The following MPDU1 variants were observed in gnomAD, a reference collection of about 807,000 sequenced individuals.
MPDU1 encodes mannose-P-dolichol utilization defect 1, also known as mannose-P-dolichol utilization defect 1 protein.
A neutral mutation model predicts 27.6 loss-of-function variants in MPDU1; 18 were observed. That is an observed-to-expected ratio of 0.65 (90% CI 0.45 to 0.97). MPDU1 has a LOEUF of 0.97. Among genes scored for constraint, MPDU1 ranks in the 50% least tolerant of loss-of-function variants. MPDU1 has a pLI of 0.00. For synonymous variants in MPDU1, 142 were observed against 131.1 expected (o/e 1.08, Z -0.57); for missense variants, 279 against 297.4 (o/e 0.94, Z 0.46).
chr17:7,587,346 C>T, intron 6 of MPDU1, 75 bp downstream of exon 6: 5 of 1,612,904 alleles, frequency 3.1e-6, no homozygotes, highest in Admixed American at 1.7e-5. Flanking sequence ...CAAAGCTGCC[C>T]CGTGAGGAAC....
chr17:7,586,268 C>T (rs1325024800), intron 3 of MPDU1, 190 bp downstream of exon 3: 4 of 657,586 alleles, frequency 6.1e-6, no homozygotes, highest in Admixed American at 2.3e-5. Context: ...GGTGAAACCC[C>T]GTCTCTACTA....
At chr17:7,586,831 G>T in intron 4 of MPDU1, 54 bp downstream of exon 4, 1 of 1,611,958 alleles carries the variant, frequency 6.2e-7, no homozygotes, top group Non-Finnish European at 8.5e-7. Context: ...ACCCTGCTGG[G>T]AACTCAGGTC....
intron 5 of MPDU1, 23 bp downstream of exon 5, chr17:7,587,040 A>G: frequency 8.1e-7 from 1 of 1,229,344 alleles, no homozygotes; most frequent in East Asian, 3.4e-5. Flanking sequence ...AGCAAGGGAC[A>G]AGATGTTGTG....
In MPDU1 at chr17:7,588,116, G is replaced by C. The variant is rs1237088784; in HGVS notation, c.*565G>C. ...GCAGGTCTAGGCGGAAGGGAGTGGAGATGGGGCTGGTTCCTGCTGCAGTGA... is the reference window on the plus strand; with the variant it reads ...GCAGGTCTAGGCGGAAGGGAGTGGACATGGGGCTGGTTCCTGCTGCAGTGA... On this transcript the variant is annotated 3_prime_UTR_variant, in exon 7 of 7. Coordinates refer to ENST00000250124, the MANE Select transcript of MPDU1 (RefSeq NM_004870.4). 1 of 626,316 alleles carries C rather than the reference G, an allele frequency of 1.6e-6. No homozygotes were observed. The highest frequency in any genetic ancestry group is 3.0e-6 in the Non-Finnish European group (1 of 337,552). 38.8% of individuals were successfully genotyped at this position (626,316 alleles called of 1,614,324 possible).
rs776278352 is a variant in MPDU1, at chr17:7,586,704, A to G, written c.315A>G (p.Glu105=). 5.0e-6 allele frequency: 8 copies of G among 1,614,026 alleles called. No individual in the cohort carries two copies. In the East Asian group the frequency reaches 1.8e-4, roughly 36 times the overall value. The change falls in exon 4 of 7, where the codon GAA becomes GAG. Residue 105 remains glutamate, a synonymous_variant. Transcript: ENST00000250124. ...CTTGACTCTGCAGCTCTTGGGGTGA[A>G]GCCTTATTCCTGATGCTCCAGACGA... ...TNNFPFSSWG[E]ALFLMLQTIT...
At chr17:7,585,329 G>T (rs952049655) in intron 1 of MPDU1, among the ~76,000 whole-genome samples, 3 of 151,964 alleles carry the variant, frequency 2.0e-5, no homozygotes, top group African/African-American at 7.3e-5. Flanking sequence ...CTGAGGTCAG[G>T]AGTTCGAGAC....
intron 1 of MPDU1, chr17:7,584,264 C>T (rs1379970669): frequency 3.4e-6 from 2 of 591,210 alleles, no homozygotes; most frequent in South Asian, 2.1e-5. Context: ...TCATGCCAAC[C>T]TTTATTAGAT....
At position 7,583,872 on chromosome 17, in the gene MPDU1, G is replaced by A. The variant is rs772047932; in HGVS notation, c.10G>A (p.Glu4Lys). The change falls in exon 1 of 7, where the codon GAG (glutamate) becomes AAG (lysine). Residue 4 changes from glutamate to lysine, a missense_variant. Coordinates refer to ENST00000250124, the MANE Select transcript of MPDU1 (RefSeq NM_004870.4). ...AAGCTAGCTTTGCAATATGGCGGCC[G>A]AGGCGGACGGACCGCTTAAACGGCT... Reference protein sequence around the residue: MAAEADGPLKRLLV... With the variant: MAAKADGPLKRLLV... 4.3e-6 allele frequency: 7 copies of A among 1,614,086 alleles called. No individual in the cohort carries two copies. Among genetic ancestry groups the A allele is most frequent in the East Asian group, 2.2e-5 (1 of 44,884 alleles).
intron 4 of MPDU1, 44 bp downstream of exon 4, chr17:7,586,821 A>T (rs1387416152): frequency 6.2e-7 from 1 of 1,611,414 alleles, no homozygotes; most frequent in Non-Finnish European, 8.5e-7. Flanking sequence ...GTTCCTGGGA[A>T]CCCTGCTGGG....
rs374857107 is a variant in MPDU1, at chr17:7,587,578, C to G, written c.*27C>G. 66 of 1,613,304 alleles carry G rather than the reference C, an allele frequency of 4.1e-5. No individual in the cohort carries two copies. Among genetic ancestry groups the G allele is most frequent in the Non-Finnish European group, 4.9e-5 (58 of 1,179,774 alleles). On this transcript the variant is annotated 3_prime_UTR_variant, in exon 7 of 7. Coordinates refer to ENST00000250124, the MANE Select transcript of MPDU1 (RefSeq NM_004870.4). ...GCCAGCTACTGGAGTCATTCCGTTT[C>G]CACTCATTCACCCAACCTCAGGGTT...
rs116012663 is a variant in MPDU1, at chr17:7,586,636, C to A, written c.303-56C>A. ...TCCCTGGATGGATGGGCTATGGAGG[C>A]TTTCCCTGCCTCTTTCTAGGCCCGC... On this transcript the variant is annotated intron_variant, in intron 3 of 6. Coordinates refer to ENST00000250124, the MANE Select transcript of MPDU1 (RefSeq NM_004870.4). 700 of 1,499,742 alleles carry A rather than the reference C, an allele frequency of 4.7e-4. 4 individuals are homozygous for A. In the African/African-American group the frequency reaches 7.7e-3, roughly 17 times the overall value. The allele number at this position is 1,499,742 out of a possible 1,614,324, so 92.9% of individuals were successfully genotyped here.
intron 1 of MPDU1, among the ~76,000 whole-genome samples, chr17:7,584,795 C>T (rs2071553558): frequency 6.6e-6 from 1 of 152,042 alleles, no homozygotes; most frequent in African/African-American, 2.4e-5. Flanking sequence ...CGTTCGAGAC[C>T]AGCCTGGCCA....
rs2071594009 is a variant in MPDU1 at position 7,586,969 on chromosome 17, A to G, written c.459A>G (p.Val153=). The G allele has an allele frequency of 6.2e-7, 1 of 1,602,710 alleles. No homozygotes were observed. The highest frequency in any genetic ancestry group is 1.1e-5 in the South Asian group (1 of 90,888). Residue 153 remains valine (V), a synonymous_variant, in exon 5 of 7, where the codon GTA becomes GTG. Coordinates refer to ENST00000250124, the MANE Select transcript of MPDU1 (RefSeq NM_004870.4). The stretch of plus-strand genomic sequence containing the variant: ...TCTCACCTCTGACGCCCTTGACTGT[A>G]GTCACCCTGCTCCAGGCCTCCAATG... ...VLLSPLTPLT[V]VTLLQASNVP...
At chr17:7,585,874 G>A (rs2071574266) in intron 2 of MPDU1, 72 bp from the exon 3 acceptor site, 19 of 1,612,154 alleles carry the variant, frequency 1.2e-5, no homozygotes, top group African/African-American at 2.7e-5. Context: ...GTGGGTGTTC[G>A]TTCTATAGCT....
In MPDU1 at chr17:7,586,877, ACTC is replaced by A. The variant is rs758900204; in HGVS notation, c.389-19_389-17del. The A allele has an allele frequency of 7.4e-6, 12 of 1,611,258 alleles. No individual in the cohort carries two copies. In the South Asian group the frequency reaches 1.3e-4, roughly 18 times the overall value. On this transcript the variant is annotated intron_variant, in intron 4 of 6. Transcript: ENST00000250124. The stretch of plus-strand genomic sequence containing the variant: ...AAATGATGTGGAGAGATTGACAAGG[ACTC>A]CTGTCTCCCCACCCCTAGGTGTCGC...
chr17:7,586,806 G>A, intron 4 of MPDU1, 29 bp downstream of exon 4: 1 of 1,612,790 alleles, frequency 6.2e-7, no homozygotes, highest in Non-Finnish European at 8.5e-7. Context: ...AGAGCAGGCT[G>A]TGTGGTTCCT....
chr17:7,587,865 C>A lies in MPDU1; in HGVS notation c.*314C>A. 1 of 513,074 alleles carries A rather than the reference C, an allele frequency of 1.9e-6. No individual in the cohort carries two copies. Among genetic ancestry groups the A allele is most frequent in the South Asian group, 1.5e-5 (1 of 65,040 alleles). The allele number at this position is 513,074 out of a possible 1,614,324, so 31.8% of individuals were successfully genotyped here. ...AGCAGCAATTTCCAGCTGTGTAACA[C>A]TATCCTGGGCAAATGTTTTACCCTG... On this transcript the variant is annotated 3_prime_UTR_variant, in exon 7 of 7. Transcript: ENST00000250124.
chr17:7,583,813 A>G (rs1477658851), upstream of MPDU1: 1 of 1,592,072 alleles, frequency 6.3e-7, no homozygotes, highest in South Asian at 1.1e-5. Context: ...CGCACGCGCA[A>G]CGAAAGTCAA....
intron 3 of MPDU1, chr17:7,586,452 A>G (rs1216509225): frequency 1.7e-5 from 10 of 572,566 alleles, no homozygotes; most frequent in Non-Finnish European, 2.5e-5. Context: ...AAAAAAAAAA[A>G]AGGGACAAGG....
Sources: gnomAD v4.1 joint callset for allele counts (sites outside exome capture counted in the v4.1 genomes callset) on GRCh38, gnomAD v4.1.1 for gene constraint, MANE v1.5 for transcripts, NCBI Gene and HGNC (gene_info 2026-07-23, HGNC 2026-07-21) for gene names.